The following TACC1 variants were observed in gnomAD, a reference collection of about 807,000 sequenced individuals.
TACC1 encodes the protein transforming acidic coiled-coil containing protein 1.
TACC1 carries 48 observed loss-of-function variants against 84.4 expected under a neutral mutation model. The ratio of observed to expected loss-of-function variants is 0.57; its 90% CI spans 0.45 to 0.72. The LOEUF (loss-of-function observed/expected upper bound fraction) is 0.72. Ranked by LOEUF, TACC1 falls within the 30% of genes least tolerant of loss-of-function variation. The probability of loss-of-function intolerance (pLI) is 0.00; values close to 1 mark genes in which losing one functional copy is unlikely to be tolerated. For missense variants in TACC1, 920 were observed against 973.0 expected (o/e 0.95, Z 0.72); for synonymous variants, 372 against 376.3 (o/e 0.99, Z 0.13).
chr8:38,837,020 A>G (rs763059779), intron 7 of TACC1, among the ~76,000 whole-genome samples: 7 of 152,040 alleles, frequency 4.6e-5, no homozygotes, highest in Non-Finnish European at 1.0e-4. Context: ...ACAGCTTTCT[A>G]AAATAGCATC....
At chr8:38,834,588 G>A (rs1829869211) in intron 6 of TACC1, among the ~76,000 whole-genome samples, 1 of 152,122 alleles carries the variant, frequency 6.6e-6, no homozygotes, top group East Asian at 1.9e-4. Flanking sequence ...GGCATGGTGG[G>A]CTGCCCTCCC....
At chr8:38,738,523 G>C (rs1024733135) in intron 1 of TACC1, among the ~76,000 whole-genome samples, 1 of 152,176 alleles carries the variant, frequency 6.6e-6, no homozygotes, top group Non-Finnish European at 1.5e-5. Flanking sequence ...AATACTTTGA[G>C]TTGTAATCAA....
upstream of TACC1, among the ~76,000 whole-genome samples, chr8:38,783,709 C>T (rs779056534): frequency 1.2e-4 from 19 of 152,174 alleles, no homozygotes; most frequent in Admixed American, 3.9e-4. Flanking sequence ...CATGAGCCAC[C>T]GCACCCAGCC....
At chr8:38,778,894 T>C (rs936656183) in intron 3 of TACC1, among the ~76,000 whole-genome samples, 2 of 151,960 alleles carry the variant, frequency 1.3e-5, no homozygotes, top group African/African-American at 4.8e-5. Flanking sequence ...ACCTCCCACA[T>C]AAAGTATGCC....
exon 3 of TACC1, chr8:38,744,959 A>G (rs1192341347): frequency 6.5e-6 from 1 of 152,724 alleles, no homozygotes; most frequent in Non-Finnish European, 1.5e-5. Context: ...AAGAGAGGAC[A>G]TAAGTGGATC....
intron 2 of TACC1, among the ~76,000 whole-genome samples, chr8:38,792,227 T>A (rs1274792172): frequency 1.3e-5 from 2 of 152,232 alleles, no homozygotes; most frequent in Non-Finnish European, 2.9e-5. Flanking sequence ...TCTTTCTCTT[T>A]GCTGGGAAAT....
At position 38,827,251 on chromosome 8, in the gene TACC1, G is replaced by C. The variant is rs375522736; in HGVS notation, c.1536G>C (p.Thr512=). 1 of 1,614,072 alleles carries C rather than the reference G, an allele frequency of 6.2e-7. No homozygotes were observed. Among genetic ancestry groups the C allele is most frequent in the African/African-American group, 1.3e-5 (1 of 74,926 alleles). Reference sequence around the variant, plus strand: ...CTGATGAGGAGAAACTGGCATCCACGTCATGTGGTCAGAAATCAGCTGGTG... The same window carrying C: ...CTGATGAGGAGAAACTGGCATCCACCTCATGTGGTCAGAAATCAGCTGGTG... ...HATDEEKLAS[T]SCGQKSAGAE... is the part of the protein sequence containing the mutation. Residue 512 remains threonine (T), a synonymous_variant, in exon 5 of 13, where the codon ACG becomes ACC. Coordinates refer to ENST00000317827, the MANE Select transcript of TACC1 (RefSeq NM_006283.3).
intron 7 of TACC1, among the ~76,000 whole-genome samples, chr8:38,836,882 C>A (rs1830344151): frequency 6.6e-6 from 1 of 152,132 alleles, no homozygotes; most frequent in Non-Finnish European, 1.5e-5. Context: ...TGTTTCTTGA[C>A]AATTCCACCT....
At chr8:38,736,630 A>T (rs1043352270) in intron 1 of TACC1, among the ~76,000 whole-genome samples, 2 of 152,172 alleles carry the variant, frequency 1.3e-5, no homozygotes, top group Non-Finnish European at 2.9e-5. Flanking sequence ...ACAAAAGAAT[A>T]AGATAATGAT....
At chr8:38,752,757 A>G (rs1232866490) in intron 3 of TACC1, among the ~76,000 whole-genome samples, 1 of 152,136 alleles carries the variant, frequency 6.6e-6, no homozygotes, top group Non-Finnish European at 1.5e-5. Flanking sequence ...CATAAATTAC[A>G]GGGCACCAAA....
At chr8:38,830,923 A>G (rs551863155) in intron 5 of TACC1, among the ~76,000 whole-genome samples, 1 of 152,196 alleles carries the variant, frequency 6.6e-6, no homozygotes, top group Non-Finnish European at 1.5e-5. Flanking sequence ...GTGGCTGACT[A>G]ACCATGTGCT....
chr8:38,767,189 C>CA (rs1294600205), intron 3 of TACC1, among the ~76,000 whole-genome samples: 18 of 152,152 alleles, frequency 1.2e-4, no homozygotes, highest in Non-Finnish European at 2.9e-5. Context: ...TTTGAGAAAA[C>CA]AAAACTAGGA....
chr8:38,792,651 G>C (rs147891618), intron 2 of TACC1, among the ~76,000 whole-genome samples: 4,311 of 152,228 alleles, frequency 0.028, 192 homozygotes, highest in African/African-American at 0.098. Context: ...ATTTTTAGTA[G>C]AGACGGGGTT....
chr8:38,798,232 C>G (rs1055381515), intron 2 of TACC1, among the ~76,000 whole-genome samples: 9 of 152,028 alleles, frequency 5.9e-5, no homozygotes, highest in Admixed American at 5.2e-4. Context: ...AAGGGATCCT[C>G]CTGACTCAGC....
intron 2 of TACC1, among the ~76,000 whole-genome samples, chr8:38,792,656 G>A (rs1038136157): frequency 6.6e-6 from 1 of 152,070 alleles, no homozygotes; most frequent in African/African-American, 2.4e-5. Flanking sequence ...TAGTAGAGAC[G>A]GGGTTTCACC....
chr8:38,834,303 G>C (rs1301811744), intron 6 of TACC1, among the ~76,000 whole-genome samples: 4 of 152,208 alleles, frequency 2.6e-5, no homozygotes, highest in African/African-American at 9.6e-5. Context: ...TGCCACGTGG[G>C]CCTTTCCCTG....
rs200123930 is a variant in TACC1, at chr8:38,836,944, GT to G, written c.1839+665del. ...TATTTTTATAGTTTTTAGTTTTATA[GT>G]TTTTTTTAGTTTTAATTTTTATAGT... On this transcript the variant is annotated intron_variant, in intron 7 of 12. Transcript: ENST00000317827. Among the ~76,000 whole-genome samples, 5 of 151,704 alleles carry G rather than the reference GT, an allele frequency of 3.3e-5. No individual in the cohort carries two copies. In the East Asian group the frequency reaches 7.7e-4, roughly 23 times the overall value.
intron 3 of TACC1, among the ~76,000 whole-genome samples, chr8:38,765,527 C>G (rs972272640): frequency 2.0e-5 from 3 of 152,152 alleles, no homozygotes; most frequent in African/African-American, 7.2e-5. Context: ...AACACTGCCC[C>G]TTTATTATTC....
chr8:38,751,306 G>T (rs745402098), intron 3 of TACC1, among the ~76,000 whole-genome samples: 5 of 152,166 alleles, frequency 3.3e-5, no homozygotes, highest in Non-Finnish European at 7.4e-5. Context: ...TCTTAAAATG[G>T]GATGTGCAGT....
Sources: gnomAD v4.1 joint callset for allele counts (sites outside exome capture counted in the v4.1 genomes callset) on GRCh38, gnomAD v4.1.1 for gene constraint, MANE v1.5 for transcripts, NCBI Gene and HGNC (gene_info 2026-07-23, HGNC 2026-07-21) for gene names.